Variants in MIGA2 observed in about 807,000 individuals in gnomAD.
MIGA2 encodes the protein family with sequence similarity 73, member B.
A neutral mutation model predicts 69.9 loss-of-function variants in MIGA2; 36 were observed. The observed-to-expected ratio is 0.52, with a 90% CI of 0.39 to 0.68. MIGA2 has a LOEUF of 0.68. Ranked by LOEUF, MIGA2 falls within the 30% of genes least tolerant of loss-of-function variation. MIGA2 has a pLI of 0.00. For synonymous variants in MIGA2, 333 were observed against 349.2 expected (o/e 0.95, Z 0.52); for missense variants, 660 against 787.7 (o/e 0.84, Z 1.94).
intron 1 of MIGA2, among the ~76,000 whole-genome samples, chr9:129,038,109 G>A (rs1417112164): frequency 2.0e-5 from 3 of 152,146 alleles, no homozygotes; most frequent in Non-Finnish European, 1.5e-5. Flanking sequence ...AGGGTAGGGG[G>A]ACGTGGCTTA....
chr9:129,052,921 T>C (rs1002093510), intron 6 of MIGA2, among the ~76,000 whole-genome samples: 1 of 152,162 alleles, frequency 6.6e-6, no homozygotes, highest in African/African-American at 2.4e-5. Flanking sequence ...CGGGCACCTG[T>C]AGGAGTGTGT....
chr9:129,036,805 G>T, intron 1 of MIGA2, 124 bp downstream of exon 1: 1 of 298,054 alleles, frequency 3.4e-6, no homozygotes, highest in Non-Finnish European at 5.2e-6. Context: ...TGTCGGGGTT[G>T]GAATGAGTGG....
intron 9 of MIGA2, among the ~76,000 whole-genome samples, chr9:129,062,806 T>C (rs1320084242): frequency 2.0e-5 from 3 of 151,784 alleles, no homozygotes; most frequent in Non-Finnish European, 4.4e-5. Context: ...ATTGTACCAC[T>C]GCCCTCCAAC....
At position 129,068,340 on chromosome 9, in the gene MIGA2, A is replaced by G. The variant is rs375988592; in HGVS notation, c.1404+8A>G. On this transcript the variant is annotated splice_region_variant and intron_variant, in intron 13 of 15. Transcript: ENST00000684074. This position sits in a 1 kb window ranked among gnomAD's most constrained non-coding sequence, Gnocchi z 4.1. ...GACAGCTTCAAGGAGACGGTGGGTC[A>G]CTGCCCTGCTCTCAGACCCACACTT... The G allele has an allele frequency of 9.4e-6, 15 of 1,601,182 alleles. No individual in the cohort carries two copies. The African/African-American group carries it at 1.9e-4, about 20-fold the overall frequency.
chr9:129,051,216 G>A, intron 6 of MIGA2: 1 of 159,248 alleles, frequency 6.3e-6, no homozygotes, highest in East Asian at 1.8e-4. Flanking sequence ...CACTTTTTTG[G>A]GGACTTTTTG....
chr9:129,056,208 T>C (rs1845789701), intron 6 of MIGA2, among the ~76,000 whole-genome samples: 1 of 152,034 alleles, frequency 6.6e-6, no homozygotes, highest in Non-Finnish European at 1.5e-5. Flanking sequence ...CATTACTTTG[T>C]GCTATTTATT....
Position 129,070,237 on chromosome 9 carries a change from G to A in MIGA2, c.1576-10G>A, listed in dbSNP as rs1846600314. 6.2e-7 allele frequency: 1 copy of A among 1,609,032 alleles called. No individual in the cohort carries two copies. Among genetic ancestry groups the A allele is most frequent in the African/African-American group, 1.3e-5 (1 of 74,968 alleles). On this transcript the variant is annotated splice_polypyrimidine_tract_variant and intron_variant, in intron 15 of 15. Coordinates refer to ENST00000684074, the MANE Select transcript of MIGA2 (RefSeq NM_001329990.2). The stretch of plus-strand genomic sequence containing the variant: ...CTGGGCCAGGCCTGACACCAGCCCT[G>A]CTCCCCCAGCACCAGATTGTGCAGT...
chr9:129,068,164 C>T lies in MIGA2; in HGVS notation c.1270-34C>T. 1 of 1,613,440 alleles carries T rather than the reference C, an allele frequency of 6.2e-7. No homozygotes were observed. The highest frequency in any genetic ancestry group is 1.1e-5 in the South Asian group (1 of 91,016). On this transcript the variant is annotated intron_variant, in intron 12 of 15. Coordinates refer to ENST00000684074, the MANE Select transcript of MIGA2 (RefSeq NM_001329990.2). This position sits in a 1 kb window ranked among gnomAD's most constrained non-coding sequence, Gnocchi z 4.1. ...TGGCCCCGAGGCTCCGGCAGTGCCC[C>T]CATGCATGAGCCTCCCGGGGGCACC...
chr9:129,036,769 G>A, intron 1 of MIGA2, 88 bp downstream of exon 1: 1 of 189,028 alleles, frequency 5.3e-6, no homozygotes, highest in South Asian at 1.9e-4. Flanking sequence ...AGGCGCAGGT[G>A]TCCGGGCCCA....
intron 3 of MIGA2, among the ~76,000 whole-genome samples, chr9:129,044,086 C>T (rs1239566969): frequency 1.3e-5 from 2 of 151,498 alleles, no homozygotes; most frequent in Non-Finnish European, 2.9e-5. Context: ...CTCTGCCTTC[C>T]GGTTTCAAGC....
At chr9:129,037,512 G>A (rs1844657506) in intron 1 of MIGA2, among the ~76,000 whole-genome samples, 1 of 152,086 alleles carries the variant, frequency 6.6e-6, no homozygotes, top group Admixed American at 6.6e-5. Context: ...TCTCAGCTTA[G>A]GCCCTGGAGG....
In MIGA2 at chr9:129,069,299, C is replaced by G; in HGVS notation, c.1458+170C>G. 4.0e-6 allele frequency: 3 copies of G among 753,310 alleles called. No individual in the cohort carries two copies. The highest frequency in any genetic ancestry group is 6.7e-6 in the Non-Finnish European group (3 of 449,572). 46.7% of individuals were successfully genotyped at this position (753,310 alleles called of 1,614,324 possible). A position where few individuals can be genotyped will look rare whatever the true frequency, so the allele number is the denominator to read the frequency against. On this transcript the variant is annotated intron_variant, in intron 14 of 15. Coordinates refer to ENST00000684074, the MANE Select transcript of MIGA2 (RefSeq NM_001329990.2). This position sits in a 1 kb window ranked among gnomAD's most constrained non-coding sequence, Gnocchi z 4.9. ...CTGTGCCAGGAGCTCCCTGGAGGCT[C>G]GTGTAGACCCACTTCCTCTCCTCCC...
chr9:129,046,827 G>C (rs1164380537), intron 3 of MIGA2, among the ~76,000 whole-genome samples: 1 of 150,994 alleles, frequency 6.6e-6, no homozygotes, highest in Non-Finnish European at 1.5e-5. Context: ...TGCCCAGGTT[G>C]GAATGCAGTG....
chr9:129,051,932 T>C lies in MIGA2; in HGVS notation c.675+1969T>C, dbSNP rs184766641. ...GCTCTGCCTCCTGGGTTCACGCCAC[T>C]CTCCTGCCTCAGCCTCTGGAGTAGC... On this transcript the variant is annotated intron_variant, in intron 6 of 15. Transcript: ENST00000684074. 4.2e-3 allele frequency among the ~76,000 whole-genome samples: 642 copies of C among 151,956 alleles called. 10 individuals carry two copies. Among genetic ancestry groups the C allele is most frequent in the African/African-American group, 0.014 (591 of 41,428 alleles).
Position 129,040,447 on chromosome 9 carries a change from C to T in MIGA2, c.-143-5C>T, listed in dbSNP as rs542550675. Reference sequence around the variant, plus strand: ...TCTTATCTGACTTGGTCATCTGTCTCTTAGCTCTGTGGAGGGGCCCTCTGG... The same window carrying T: ...TCTTATCTGACTTGGTCATCTGTCTTTTAGCTCTGTGGAGGGGCCCTCTGG... On this transcript the variant is annotated splice_polypyrimidine_tract_variant and splice_region_variant and intron_variant, in intron 1 of 15. Transcript: ENST00000684074. 1 of 1,406,658 alleles carries T rather than the reference C, an allele frequency of 7.1e-7. No individual in the cohort carries two copies. The highest frequency in any genetic ancestry group is 1.6e-5 in the South Asian group (1 of 62,066). The allele number at this position is 1,406,658 out of a possible 1,614,324, so 87.1% of individuals were successfully genotyped here.
At chr9:129,042,813 G>A (rs898437625) in intron 3 of MIGA2, among the ~76,000 whole-genome samples, 2 of 152,186 alleles carry the variant, frequency 1.3e-5, no homozygotes, top group South Asian at 2.1e-4. Flanking sequence ...CCTGGGTCCA[G>A]AGAGGGATGT....
Position 129,067,765 on chromosome 9 carries a change from C to A in MIGA2, c.1171-8C>A. The A allele has an allele frequency of 6.2e-7, 1 of 1,607,008 alleles. No individual in the cohort carries two copies. Among genetic ancestry groups the A allele is most frequent in the Non-Finnish European group, 8.5e-7 (1 of 1,176,858 alleles). Reference sequence around the variant, plus strand: ...AGTGACCAGGATGGGCCGTGCTTCTCTCCACAGAGCCCCAAAGGCTTCCTG... The same window carrying A: ...AGTGACCAGGATGGGCCGTGCTTCTATCCACAGAGCCCCAAAGGCTTCCTG... On this transcript the variant is annotated splice_region_variant and splice_polypyrimidine_tract_variant and intron_variant, in intron 11 of 15. Transcript: ENST00000684074.
intron 6 of MIGA2, among the ~76,000 whole-genome samples, chr9:129,052,808 A>G (rs1845615404): frequency 2.0e-5 from 3 of 152,160 alleles, no homozygotes; most frequent in Non-Finnish European, 4.4e-5. Flanking sequence ...GCGTGAGCTC[A>G]GGATGTGAAG....
Position 129,042,486 on chromosome 9 carries a change from G to A in MIGA2, c.279G>A (p.Leu93=). ...QLGTVPLPIL[L]ARKVPSVKKG... is the part of the protein sequence containing the mutation. Reference sequence around the variant, plus strand: ...GCACGGTGCCCCTCCCTATCCTCTTGGCCAGGAAGGTCCCTTCAGTGAAGA... The same window carrying A: ...GCACGGTGCCCCTCCCTATCCTCTTAGCCAGGAAGGTCCCTTCAGTGAAGA... Residue 93 remains leucine, a synonymous_variant, in exon 3 of 16, where the codon TTG becomes TTA. Transcript: ENST00000684074. 1.3e-6 allele frequency: 2 copies of A among 1,589,028 alleles called. No homozygotes were observed. Among genetic ancestry groups the A allele is most frequent in the Non-Finnish European group, 1.7e-6 (2 of 1,168,508 alleles).
Sources: gnomAD v4.1 joint callset for allele counts (sites outside exome capture counted in the v4.1 genomes callset) on GRCh38, gnomAD v4.1.1 for gene constraint, Gnocchi (gnomAD v3.1) non-coding constraint, MANE v1.5 for transcripts, NCBI Gene and HGNC (gene_info 2026-07-23, HGNC 2026-07-21) for gene names.